Variants in GPC5 observed in about 807,000 individuals in gnomAD.
GPC5 encodes the protein glypican-5.
Under a neutral mutation model 53.9 loss-of-function variants are expected in GPC5, and 47 were observed. The ratio of observed to expected loss-of-function variants is 0.87; its 90% CI spans 0.69 to 1.11. The LOEUF is 1.11. Ranked by LOEUF, GPC5 falls within the 50% of genes most tolerant of loss-of-function variation. The probability of loss-of-function intolerance (pLI) is 0.00; values close to 1 mark genes in which losing one functional copy is unlikely to be tolerated. For synonymous variants in GPC5, 286 were observed against 263.3 expected, an observed-to-expected ratio of 1.09 and a Z score of -0.84; for missense variants, 748 against 713.1, an observed-to-expected ratio of 1.05 and a Z score of -0.56.
intron 7 of GPC5, among the ~76,000 whole-genome samples, chr13:92,187,825 T>C (rs2042194857): frequency 6.6e-6 from 1 of 152,244 alleles, no homozygotes; most frequent in Admixed American, 6.5e-5. Flanking sequence ...TCTATCATCA[T>C]TGTTCAGTAC....
chr13:91,507,001 GT>G (rs1785565617), intron 2 of GPC5, among the ~76,000 whole-genome samples: 1 of 152,038 alleles, frequency 6.6e-6, no homozygotes, highest in Non-Finnish European at 1.5e-5. Flanking sequence ...TAGTATTTTG[GT>G]ATACACATTT....
intron 6 of GPC5, among the ~76,000 whole-genome samples, chr13:92,009,478 T>G (rs2040640989): frequency 6.6e-6 from 1 of 152,202 alleles, no homozygotes; most frequent in African/African-American, 2.4e-5. Flanking sequence ...AACTCTCCTC[T>G]CTGGCAGGTC....
intron 3 of GPC5, among the ~76,000 whole-genome samples, chr13:91,701,955 T>C (rs2036002991): frequency 6.6e-6 from 1 of 152,170 alleles, no homozygotes; most frequent in East Asian, 1.9e-4. Context: ...CTCAGAACAC[T>C]TGTTATTCTT....
At chr13:91,609,391 A>T (rs773020014) in intron 2 of GPC5, among the ~76,000 whole-genome samples, 2 of 152,150 alleles carry the variant, frequency 1.3e-5, no homozygotes, top group Non-Finnish European at 2.9e-5. Context: ...GGCTGAGATA[A>T]AAACAGTTCA....
chr13:91,416,198 A>T (rs892169449), intron 1 of GPC5, among the ~76,000 whole-genome samples: 3 of 152,164 alleles, frequency 2.0e-5, no homozygotes, highest in Non-Finnish European at 4.4e-5. Context: ...AAATGTAGAA[A>T]CATATAAATT....
rs534410661 is a variant in GPC5 at position 92,852,484 on chromosome 13, C to T, written c.1562-13798C>T. Among the ~76,000 whole-genome samples the T allele has an allele frequency of 7.2e-5, 11 of 152,328 alleles. No individual in the cohort carries two copies. The South Asian group carries it at 2.3e-3, about 32-fold the overall frequency. On this transcript the variant is annotated intron_variant, in intron 7 of 7. Coordinates refer to ENST00000377067, the MANE Select transcript of GPC5 (RefSeq NM_004466.6). Reference sequence around the variant, plus strand: ...AAATTTATGACATAATTCCTGCACCCTGAGTTTCAGAAACATCCTGCAACT... The same window carrying T: ...AAATTTATGACATAATTCCTGCACCTTGAGTTTCAGAAACATCCTGCAACT...
At chr13:92,590,383 G>A (rs1002627784) in intron 7 of GPC5, among the ~76,000 whole-genome samples, 2 of 151,990 alleles carry the variant, frequency 1.3e-5, no homozygotes, top group African/African-American at 4.8e-5. Flanking sequence ...AGTGTTCCAC[G>A]CCCAAAACCC....
At chr13:92,061,033 G>A (rs942860841) in intron 6 of GPC5, among the ~76,000 whole-genome samples, 1 of 151,910 alleles carries the variant, frequency 6.6e-6, no homozygotes, top group African/African-American at 2.4e-5. Context: ...TCCTCCCCAG[G>A]AATTACTTTT....
At chr13:92,450,707 G>A (rs1343959759) in intron 7 of GPC5, among the ~76,000 whole-genome samples, 3 of 152,180 alleles carry the variant, frequency 2.0e-5, no homozygotes, top group Non-Finnish European at 4.4e-5. Context: ...AGGCCAACAT[G>A]CAGATTATAC....
intron 2 of GPC5, among the ~76,000 whole-genome samples, chr13:91,540,142 A>G (rs1466658081): frequency 2.0e-5 from 3 of 152,228 alleles, no homozygotes; most frequent in Non-Finnish European, 2.9e-5. Flanking sequence ...ACTTAAGTGC[A>G]TATTCCAGGA....
intron 7 of GPC5, among the ~76,000 whole-genome samples, chr13:92,606,616 C>A (rs939890396): frequency 1.3e-5 from 2 of 152,156 alleles, no homozygotes; most frequent in African/African-American, 4.8e-5. Flanking sequence ...GTGCTCAGGT[C>A]TACAATGTCC....
chr13:92,189,466 A>G lies in GPC5; in HGVS notation c.1561+44477A>G, dbSNP rs142357406. 3.6e-3 allele frequency among the ~76,000 whole-genome samples: 546 copies of G among 152,194 alleles called. 3 individuals are homozygous for G. Among genetic ancestry groups the G allele is most frequent in the Middle Eastern group, 0.014 (4 of 294 alleles). On this transcript the variant is annotated intron_variant, in intron 7 of 7. Transcript: ENST00000377067. ...CAGAGTCCAGAAGTTCAGGCTCACT[A>G]AAAGACTGACCCTAAATATTAGACT...
At chr13:91,791,234 A>T (rs345443) in intron 5 of GPC5, among the ~76,000 whole-genome samples, 54,752 of 152,102 alleles carry the variant, frequency 0.36, 11,176 homozygotes, top group African/African-American at 0.56. Context: ...CCAAGGGCCC[A>T]TCTGAGGAAC....
intron 7 of GPC5, among the ~76,000 whole-genome samples, chr13:92,759,732 A>G (rs184512337): frequency 9.9e-5 from 15 of 152,170 alleles, no homozygotes; most frequent in Admixed American, 6.5e-4. Flanking sequence ...TACTCTTGAT[A>G]GTATTTCCAG....
chr13:92,296,925 G>C (rs950337020), intron 7 of GPC5, among the ~76,000 whole-genome samples: 12 of 152,346 alleles, frequency 7.9e-5, no homozygotes, highest in African/African-American at 2.4e-4. Flanking sequence ...GGGACCTGCA[G>C]CCCGCCATGC....
intron 2 of GPC5, among the ~76,000 whole-genome samples, chr13:91,479,882 C>T (rs1883208999): frequency 6.6e-6 from 1 of 151,922 alleles, no homozygotes; most frequent in South Asian, 2.1e-4. Context: ...TTAATATTCT[C>T]AGTGGAGGAT....
chr13:91,793,144 G>C (rs1011057225), intron 5 of GPC5, among the ~76,000 whole-genome samples: 5 of 152,144 alleles, frequency 3.3e-5, no homozygotes, highest in Admixed American at 1.3e-4. Flanking sequence ...CTTAGAGCAG[G>C]GGAGGCCCAA....
chr13:92,388,220 G>C (rs1874828118), intron 7 of GPC5, among the ~76,000 whole-genome samples: 1 of 151,562 alleles, frequency 6.6e-6, no homozygotes. Flanking sequence ...CTAATATCTT[G>C]CTTGCATTAG....
At chr13:92,847,614 T>G (rs1048888203) in intron 7 of GPC5, among the ~76,000 whole-genome samples, 1 of 152,026 alleles carries the variant, frequency 6.6e-6, no homozygotes, top group East Asian at 1.9e-4. Flanking sequence ...TGGGGAACCA[T>G]GAGCCATTAA....
Sources: allele counts gnomAD v4.1 joint callset (sites outside exome capture counted in the v4.1 genomes callset), GRCh38; gene constraint gnomAD v4.1.1; transcripts MANE v1.5; gene names NCBI Gene and HGNC (gene_info 2026-07-23, HGNC 2026-07-21).